The following GATAD2B variants were observed in gnomAD, a reference collection of about 807,000 sequenced individuals.
GATAD2B encodes transcriptional repressor p66-beta.
In GATAD2B, 8 loss-of-function variants were observed where a neutral mutation model predicts 64.3. That is an observed-to-expected ratio of 0.12 (90% CI 0.07 to 0.22). The LOEUF (loss-of-function observed/expected upper bound fraction) is 0.22, where lower values mean the gene tolerates loss of function less well. Ranked by LOEUF, GATAD2B falls within the 10% of genes least tolerant of loss-of-function variation. GATAD2B has a pLI of 1.00. For missense variants in GATAD2B, 453 were observed against 752.0 expected (o/e 0.60, Z 4.65); for synonymous variants, 281 against 271.3 (o/e 1.04, Z -0.35).
In GATAD2B at chr1:153,810,264, G is replaced by A. The variant is rs758561260; in HGVS notation, c.1695C>T (p.Gly565=). 5.0e-6 allele frequency: 8 copies of A among 1,613,116 alleles called. No individual in the cohort carries two copies. The South Asian group carries it at 7.7e-5, about 16-fold the overall frequency. Reference sequence around the variant, plus strand: ...CACGCTGTCGGTCTGCCAAACTGGGGCCTTTGTGTCCTCCGATGCCAGTAT... The same window carrying A: ...CACGCTGTCGGTCTGCCAAACTGGGACCTTTGTGTCCTCCGATGCCAGTAT... ...YLNTGIGGHK[G]PSLADRQREY... The change falls in exon 11 of 11, where the codon GGC becomes GGT. Residue 565 remains glycine (G), a synonymous_variant. Coordinates refer to ENST00000368655, the MANE Select transcript of GATAD2B (RefSeq NM_020699.4).
intron 1 of GATAD2B, among the ~76,000 whole-genome samples, chr1:153,908,715 G>A (rs553159140): frequency 1.5e-4 from 22 of 145,072 alleles, no homozygotes; most frequent in Admixed American, 3.6e-4. Context: ...TGATCCGCCC[G>A]CCTGGCCCTC....
intron 1 of GATAD2B, among the ~76,000 whole-genome samples, chr1:153,876,250 A>AAAAAAAAAAAAAAAAAAAAAAAAAAAT (rs1676829989): frequency 6.7e-6 from 1 of 148,688 alleles, no homozygotes; most frequent in Non-Finnish European, 1.5e-5. Context: ...AAAAAAAAAA[A>AAAAAAAAAAAAAAAAAAAAAAAAAAAT]AAAAAAAAAA....
intron 1 of GATAD2B, among the ~76,000 whole-genome samples, chr1:153,921,152 A>G (rs1189544559): frequency 6.6e-6 from 1 of 152,222 alleles, no homozygotes; most frequent in Non-Finnish European, 1.5e-5. Context: ...ATCAGACTGC[A>G]AGGAAGAGTT....
chr1:153,821,884 G>A (rs1387649870), intron 2 of GATAD2B, among the ~76,000 whole-genome samples: 1 of 151,416 alleles, frequency 6.6e-6, no homozygotes, highest in African/African-American at 2.4e-5. Flanking sequence ...TTTTTAAAGC[G>A]TGATTTACTT....
At chr1:153,908,500 C>T (rs1272651135) in intron 1 of GATAD2B, among the ~76,000 whole-genome samples, 6 of 149,606 alleles carry the variant, frequency 4.0e-5, no homozygotes, top group African/African-American at 9.8e-5. Context: ...TTTTTTGAGA[C>T]GGAGTTTCGC....
At chr1:153,837,604 T>C (rs112428332) in intron 1 of GATAD2B, among the ~76,000 whole-genome samples, 8 of 152,164 alleles carry the variant, frequency 5.3e-5, no homozygotes, top group Admixed American at 3.3e-4. Context: ...CACAACAAAA[T>C]TGCAAAAACA....
rs770756131 is a variant in GATAD2B at position 153,816,647 on chromosome 1, C to T, written c.901-59G>A. On this transcript the variant is annotated intron_variant, in intron 6 of 10. Coordinates refer to ENST00000368655, the MANE Select transcript of GATAD2B (RefSeq NM_020699.4). This position sits in a 1 kb window ranked among gnomAD's most constrained non-coding sequence, Gnocchi z 4.9. ...ATGCAGGAGAAAGGGCCAATTCTTA[C>T]GTTCTTGGCAGAGGACACTGTCTGA... 4 of 1,153,492 alleles carry T rather than the reference C, an allele frequency of 3.5e-6. No individual in the cohort carries two copies. The highest frequency in any genetic ancestry group is 1.5e-5 in the African/African-American group (1 of 66,340). The allele number at this position is 1,153,492 out of a possible 1,614,324, so 71.5% of individuals were successfully genotyped here. A position where few individuals can be genotyped will look rare whatever the true frequency, so the allele number is the denominator to read the frequency against.
At chr1:153,887,914 C>T (rs1677234290) in intron 1 of GATAD2B, among the ~76,000 whole-genome samples, 1 of 152,008 alleles carries the variant, frequency 6.6e-6, no homozygotes, top group African/African-American at 2.4e-5. Context: ...TGGTGAAACC[C>T]TGTCTCTACT....
intron 1 of GATAD2B, among the ~76,000 whole-genome samples, chr1:153,905,553 G>GAAAA (rs769120730): frequency 4.6e-5 from 3 of 64,650 alleles, no homozygotes; most frequent in African/African-American, 1.1e-4. Flanking sequence ...AACAATTTTG[G>GAAAA]AAAAAAAAAA....
Position 153,813,262 on chromosome 1 carries a change from T to C in GATAD2B, c.1407A>G (p.Leu469=). The change falls in exon 8 of 11, where the codon CTA becomes CTG. Residue 469 remains leucine (L), a synonymous_variant. Transcript: ENST00000368655. The part of the protein sequence containing the change: ...NRLKNAFVKA[L]QQEQEIEQRL... ...TCAGAATTCTTACCTGTTCCTGCTG[T>C]AGGGCTTTCACAAATGCATTTTTCA... The C allele has an allele frequency of 6.2e-7, 1 of 1,613,942 alleles. No homozygotes were observed.
At chr1:153,821,029 G>A (rs941084015) in intron 2 of GATAD2B, among the ~76,000 whole-genome samples, 1 of 106,340 alleles carries the variant, frequency 9.4e-6, no homozygotes, top group Non-Finnish European at 1.7e-5. Flanking sequence ...TCACTCTATT[G>A]CCCAGGCTGG....
In GATAD2B at chr1:153,816,167, A is replaced by C; in HGVS notation, c.1216+106T>G. The C allele has an allele frequency of 1.4e-6, 1 of 727,530 alleles. No individual in the cohort carries two copies. The highest frequency in any genetic ancestry group is 2.5e-5 in the Admixed American group (1 of 39,336). The allele number at this position is 727,530 out of a possible 1,614,324, so 45.1% of individuals were successfully genotyped here. On this transcript the variant is annotated intron_variant, in intron 7 of 10. Coordinates refer to ENST00000368655, the MANE Select transcript of GATAD2B (RefSeq NM_020699.4). The surrounding 1 kb of genome is among the most constrained non-coding windows in gnomAD (Gnocchi z 4.9). ...GGAGGGAGGTGGTTTGGTAACAGGAAGGAGAAGTTATTTAATATTGTACAG... is the reference window on the plus strand; with the variant it reads ...GGAGGGAGGTGGTTTGGTAACAGGACGGAGAAGTTATTTAATATTGTACAG...
At chr1:153,811,426 A>G (rs1436927086) in intron 10 of GATAD2B, among the ~76,000 whole-genome samples, 3 of 152,232 alleles carry the variant, frequency 2.0e-5, no homozygotes, top group African/African-American at 7.2e-5. Context: ...TCATTCAAAC[A>G]GAACAGTTAA....
At chr1:153,863,135 C>A (rs536735992) in intron 1 of GATAD2B, among the ~76,000 whole-genome samples, 1 of 152,224 alleles carries the variant, frequency 6.6e-6, no homozygotes, top group African/African-American at 2.4e-5. Flanking sequence ...CTACTCTCTC[C>A]TGGTTATTAC....
At chr1:153,877,521 G>A (rs1676874446) in intron 1 of GATAD2B, among the ~76,000 whole-genome samples, 1 of 151,982 alleles carries the variant, frequency 6.6e-6, no homozygotes, top group Non-Finnish European at 1.5e-5. Flanking sequence ...TGCTGATTAT[G>A]ACTACATAAT....
intron 1 of GATAD2B, among the ~76,000 whole-genome samples, chr1:153,892,320 C>T (rs1677439920): frequency 6.6e-6 from 1 of 152,028 alleles, no homozygotes; most frequent in South Asian, 2.1e-4. Context: ...TAAGGTAAGA[C>T]ACACTAAAGG....
chr1:153,865,284 A>AC (rs2101924700), intron 1 of GATAD2B, among the ~76,000 whole-genome samples: 1 of 152,124 alleles, frequency 6.6e-6, no homozygotes, highest in South Asian at 2.1e-4. Flanking sequence ...ACATGGTGAA[A>AC]CCCCGTCTCT....
intron 1 of GATAD2B, among the ~76,000 whole-genome samples, chr1:153,834,428 CTT>C (rs996722287): frequency 2.6e-5 from 4 of 151,736 alleles, no homozygotes; most frequent in African/African-American, 9.7e-5. Flanking sequence ...GAGTTTTGCT[CTT>C]GTTGCCCAGG....
chr1:153,849,372 C>A (rs1675808303), intron 1 of GATAD2B, among the ~76,000 whole-genome samples: 1 of 152,200 alleles, frequency 6.6e-6, no homozygotes, highest in Non-Finnish European at 1.5e-5. Flanking sequence ...GGTCCCACTT[C>A]TTAATATTAT....
Sources: allele counts gnomAD v4.1 joint callset (sites outside exome capture counted in the v4.1 genomes callset), GRCh38; gene constraint gnomAD v4.1.1; non-coding constraint Gnocchi (gnomAD v3.1); transcripts MANE v1.5; gene names NCBI Gene and HGNC (gene_info 2026-07-23, HGNC 2026-07-21).